The following PCBP3 variants were observed in gnomAD, a reference collection of about 807,000 sequenced individuals.
PCBP3 encodes the protein poly(rC)-binding protein 3.
A neutral mutation model predicts 52.7 loss-of-function variants in PCBP3; 25 were observed. The ratio of observed to expected loss-of-function variants is 0.47; its 90% CI spans 0.35 to 0.66. PCBP3 has a LOEUF of 0.66. PCBP3 is among the 30% of genes least tolerant of loss of function. The pLI, the probability that PCBP3 is intolerant of heterozygous loss-of-function variation, is 0.01. For synonymous variants in PCBP3, 162 were observed against 183.0 expected (o/e 0.89, Z 0.93); for missense variants, 391 against 490.3 (o/e 0.80, Z 1.91).
At chr21:45,686,327 C>T (rs554556323) in intron 2 of PCBP3, among the ~76,000 whole-genome samples, 5 of 152,166 alleles carry the variant, frequency 3.3e-5, no homozygotes, top group South Asian at 2.1e-4. Flanking sequence ...GTAGAGGTAA[C>T]GGAAAGGTAT....
At chr21:45,797,444 CACA>C (rs1569234974) in intron 4 of PCBP3, among the ~76,000 whole-genome samples, 11 of 1,718 alleles carry the variant, frequency 6.4e-3, no homozygotes, top group Middle Eastern at 0.17. Flanking sequence ...TGCATGGATC[CACA>C]GAGAGTGAAT....
At chr21:45,812,592 G>A (rs2092714010) in intron 4 of PCBP3, among the ~76,000 whole-genome samples, 1 of 152,234 alleles carries the variant, frequency 6.6e-6, no homozygotes, top group East Asian at 1.9e-4. Flanking sequence ...AGTACAAACC[G>A]GGTTTCACCG....
intron 1 of PCBP3, among the ~76,000 whole-genome samples, chr21:45,660,678 G>A (rs1323219768): frequency 6.6e-6 from 1 of 152,104 alleles, no homozygotes. Flanking sequence ...AATTTCACTA[G>A]TATACAGAAA....
intron 4 of PCBP3, among the ~76,000 whole-genome samples, chr21:45,793,820 A>T (rs1013605480): frequency 6.6e-6 from 1 of 152,216 alleles, no homozygotes; most frequent in Non-Finnish European, 1.5e-5. Flanking sequence ...GGAATTGTAG[A>T]CACAGACAGA....
In PCBP3 at chr21:45,917,394, A is replaced by G; in HGVS notation, c.676-194A>G. 2.5e-6 allele frequency: 1 copy of G among 393,446 alleles called. No homozygotes were observed. Among genetic ancestry groups the G allele is most frequent in the Non-Finnish European group, 4.8e-6 (1 of 207,650 alleles). 24.4% of individuals were successfully genotyped at this position (393,446 alleles called of 1,614,324 possible). A position where few individuals can be genotyped will look rare whatever the true frequency, so the allele number is the denominator to read the frequency against. On this transcript the variant is annotated intron_variant, in intron 12 of 17. Coordinates refer to ENST00000681687, the MANE Select transcript of PCBP3 (RefSeq NM_001384156.1). This position sits in a 1 kb window ranked among gnomAD's most constrained non-coding sequence, Gnocchi z 5.3. ...CAGCTCAGCTCTGCCCGCCCAGAGG[A>G]AGTGGGTGCGGCTCCCCTGGGGCTC...
Position 45,850,033 on chromosome 21 carries a change from T to C in PCBP3, c.-53T>C. 3 of 1,509,850 alleles carry C rather than the reference T, an allele frequency of 2.0e-6. No individual in the cohort carries two copies. Among genetic ancestry groups the C allele is most frequent in the Non-Finnish European group, 2.7e-6 (3 of 1,108,726 alleles). The allele number at this position is 1,509,850 out of a possible 1,614,324, so 93.5% of individuals were successfully genotyped here. ...TGTGGTTATGATGCTCTGAGTTCAATACGTCTGAACCTTTGCTGTCTATGG... is the reference window on the plus strand; with the variant it reads ...TGTGGTTATGATGCTCTGAGTTCAACACGTCTGAACCTTTGCTGTCTATGG... On this transcript the variant is annotated 5_prime_UTR_variant, in exon 5 of 18. Coordinates refer to ENST00000681687, the MANE Select transcript of PCBP3 (RefSeq NM_001384156.1).
At chr21:45,852,944 T>C (rs2094108440) in intron 5 of PCBP3, among the ~76,000 whole-genome samples, 1 of 152,218 alleles carries the variant, frequency 6.6e-6, no homozygotes, top group Non-Finnish European at 1.5e-5. Flanking sequence ...GAAGAAGAAG[T>C]ACAAAAGGCT....
intron 2 of PCBP3, among the ~76,000 whole-genome samples, chr21:45,723,729 C>T (rs1393944467): frequency 6.6e-6 from 1 of 152,290 alleles, no homozygotes; most frequent in East Asian, 1.9e-4. Context: ...CCGCACAACA[C>T]GCAGGTTGGA....
rs531095458 is a variant in PCBP3 at position 45,794,679 on chromosome 21, C to T, written c.-126+39227C>T. ...GTGCAATGGCTCACGCCTGTAATCCCAGCACTTTGGGAGGCCGAGGTGGGC... is the reference window on the plus strand; with the variant it reads ...GTGCAATGGCTCACGCCTGTAATCCTAGCACTTTGGGAGGCCGAGGTGGGC... On this transcript the variant is annotated intron_variant, in intron 4 of 17. Coordinates refer to ENST00000681687, the MANE Select transcript of PCBP3 (RefSeq NM_001384156.1). Among the ~76,000 whole-genome samples the T allele has an allele frequency of 1.4e-4, 22 of 152,310 alleles. 1 individual carries two copies. Among genetic ancestry groups the T allele is most frequent in the African/African-American group, 4.6e-4 (19 of 41,572 alleles).
chr21:45,787,275 T>C (rs1383997626), intron 4 of PCBP3, among the ~76,000 whole-genome samples: 2 of 152,162 alleles, frequency 1.3e-5, no homozygotes, highest in African/African-American at 4.8e-5. Context: ...GACAGGGTCT[T>C]GCTCTGTTGC....
chr21:45,734,086 G>A (rs1224501296), intron 2 of PCBP3, among the ~76,000 whole-genome samples: 1 of 152,180 alleles, frequency 6.6e-6, no homozygotes, highest in African/African-American at 2.4e-5. Flanking sequence ...ATGCATTTAA[G>A]TTACTTGGAA....
chr21:45,742,012 C>T lies in PCBP3; in HGVS notation c.-162+6583C>T, dbSNP rs77762212. ...ACTGAATAGTATTCTGCAAAGTGTT[C>T]GACCTTACCTAGTTTGAGAACATTA... On this transcript the variant is annotated intron_variant, in intron 3 of 17. Coordinates refer to ENST00000681687, the MANE Select transcript of PCBP3 (RefSeq NM_001384156.1). Among the ~76,000 whole-genome samples the T allele has an allele frequency of 2.0e-3, 311 of 152,316 alleles. 1 individual carries two copies. Among genetic ancestry groups the T allele is most frequent in the African/African-American group, 7.2e-3 (298 of 41,568 alleles).
Position 45,913,981 on chromosome 21 carries a change from C to A in PCBP3, c.631C>A (p.Arg211Ser), listed in dbSNP as rs199852523. The A allele has an allele frequency of 6.2e-7, 1 of 1,613,416 alleles. No homozygotes were observed. The highest frequency in any genetic ancestry group is 2.2e-5 in the East Asian group (1 of 44,886). Residue 211 changes from arginine to serine, a missense_variant, in exon 12 of 18, where the codon CGC (arginine) becomes AGC (serine). Physicochemically the swap from Arg to Ser is moderately radical, Grantham distance 110 (BLOSUM62 -1). Transcript: ENST00000681687. The part of the protein sequence containing the change: ...SPPKGATIPY[R>S]PKPASTPVIF... ...ACCGAAAGGTGCCACCATTCCCTACCGCCCAAAGCCCGCCTCCACCCCTGT... is the reference window on the plus strand; with the variant it reads ...ACCGAAAGGTGCCACCATTCCCTACAGCCCAAAGCCCGCCTCCACCCCTGT...
At chr21:45,758,287 A>G (rs1603393150) in intron 4 of PCBP3, among the ~76,000 whole-genome samples, 1 of 151,246 alleles carries the variant, frequency 6.6e-6, no homozygotes, top group East Asian at 1.9e-4. Context: ...AATTTTGACT[A>G]TTTTTTTTTG....
intron 6 of PCBP3, among the ~76,000 whole-genome samples, chr21:45,896,727 G>A (rs909461013): frequency 1.7e-3 from 253 of 147,078 alleles, no homozygotes; most frequent in African/African-American, 6.2e-3. Flanking sequence ...TGCACTGCCC[G>A]GGCCATTGTC....
At chr21:45,876,855 G>A (rs1377197014) in intron 5 of PCBP3, among the ~76,000 whole-genome samples, 1 of 152,250 alleles carries the variant, frequency 6.6e-6, no homozygotes, top group Non-Finnish European at 1.5e-5. Flanking sequence ...GCTAACGGGG[G>A]TATGGCCAGA....
intron 2 of PCBP3, among the ~76,000 whole-genome samples, chr21:45,713,251 G>A (rs1276715595): frequency 2.6e-5 from 4 of 152,202 alleles, no homozygotes; most frequent in Non-Finnish European, 4.4e-5. Context: ...CCGCCAGCAA[G>A]CCCCTTCCTT....
rs544068767 is a variant in PCBP3 at position 45,937,813 on chromosome 21, C to T, written c.910-2217C>T. Among the ~76,000 whole-genome samples the T allele has an allele frequency of 3.9e-5, 6 of 152,316 alleles. 1 individual carries two copies. The South Asian group carries it at 1.0e-3, about 26-fold the overall frequency. On this transcript the variant is annotated intron_variant, in intron 16 of 17. Coordinates refer to ENST00000681687, the MANE Select transcript of PCBP3 (RefSeq NM_001384156.1). ...TAGGGCAGGGCAGGTGAAGGAGGTC[C>T]GACCTCCCCACATTCCCTTCTCATG...
At chr21:45,686,971 A>G (rs1178600958) in intron 2 of PCBP3, among the ~76,000 whole-genome samples, 4 of 152,194 alleles carry the variant, frequency 2.6e-5, no homozygotes, top group South Asian at 2.1e-4. Context: ...TGAAGAAACA[A>G]TGGCAGGCAA....
Sources: gnomAD v4.1 joint callset for allele counts (sites outside exome capture counted in the v4.1 genomes callset) on GRCh38, gnomAD v4.1.1 for gene constraint, Gnocchi (gnomAD v3.1) non-coding constraint, MANE v1.5 for transcripts, NCBI Gene and HGNC (gene_info 2026-07-23, HGNC 2026-07-21) for gene names.